The following ITIH5 variants were observed in gnomAD, a reference collection of about 807,000 sequenced individuals.
ITIH5 encodes the protein inter-alpha-trypsin inhibitor heavy chain 5.
In ITIH5, 65 loss-of-function variants were observed where a neutral mutation model predicts 77.5. The ratio of observed to expected loss-of-function variants is 0.84; its 90% confidence interval spans 0.69 to 1.03. The LOEUF (loss-of-function observed/expected upper bound fraction) is 1.03, where lower values mean the gene tolerates loss of function less well. Ranked by LOEUF, ITIH5 falls within the 50% of genes least tolerant of loss-of-function variation. The pLI is 0.00. For synonymous variants in ITIH5, 525 were observed against 494.3 expected (o/e 1.06, Z -0.82); for missense variants, 1,208 against 1,213.1 (o/e 1.00, Z 0.06).
intron 5 of ITIH5, among the ~76,000 whole-genome samples, chr10:7,635,509 A>G (rs1217983241): frequency 6.6e-5 from 10 of 152,184 alleles, no homozygotes; most frequent in African/African-American, 2.4e-4. Flanking sequence ...AGGTACCTTG[A>G]CAATATTTTT....
intron 5 of ITIH5, among the ~76,000 whole-genome samples, chr10:7,624,357 C>T (rs890957619): frequency 2.7e-5 from 4 of 150,736 alleles, no homozygotes; most frequent in East Asian, 2.0e-4. Flanking sequence ...AAAATACAAA[C>T]TTAGCGGGAC....
At chr10:7,571,368 T>C (rs929177273) in intron 11 of ITIH5, 3 of 152,198 alleles carry the variant, frequency 2.0e-5, no homozygotes, top group Non-Finnish European at 2.9e-5. Flanking sequence ...AGTATCTGTA[T>C]ACAACCTTCG....
chr10:7,564,682 AG>A (rs1193037880), intron 13 of ITIH5, among the ~76,000 whole-genome samples: 1 of 151,962 alleles, frequency 6.6e-6, no homozygotes, highest in Non-Finnish European at 1.5e-5. Flanking sequence ...AACGACCATT[AG>A]AATGTATCCC....
At position 7,662,766 on chromosome 10, in the gene ITIH5, G is replaced by A. The variant is rs57418188; in HGVS notation, c.90+4037C>T. On this transcript the variant is annotated intron_variant, in intron 1 of 13. Transcript: ENST00000397146. ...ATTTCTCCCACAGCATACTCCTTCCGCACTCTGCCCTACAAACTCATTTCA... is the reference window on the plus strand; with the variant it reads ...ATTTCTCCCACAGCATACTCCTTCCACACTCTGCCCTACAAACTCATTTCA... Among the ~76,000 whole-genome samples the A allele has an allele frequency of 3.4e-3, 512 of 152,150 alleles. 6 individuals are homozygous for A. The highest frequency in any genetic ancestry group is 0.011 in the African/African-American group (461 of 41,500).
intron 11 of ITIH5, 48 bp from the exon 12 acceptor site, chr10:7,569,832 G>C: frequency 8.8e-7 from 1 of 1,132,672 alleles, no homozygotes. Context: ...CACTTATTCA[G>C]TACCTTCCTT....
intron 2 of ITIH5, among the ~76,000 whole-genome samples, chr10:7,643,646 G>C (rs1833922935): frequency 6.6e-6 from 1 of 152,150 alleles, no homozygotes; most frequent in South Asian, 2.1e-4. Context: ...CTCTCCTTCA[G>C]GAACTGTCAC....
At chr10:7,663,939 T>C in intron 1 of ITIH5, among the ~76,000 whole-genome samples, 1 of 152,250 alleles carries the variant, frequency 6.6e-6, no homozygotes, top group Admixed American at 6.5e-5. Flanking sequence ...TTTTACTATT[T>C]TGTCAATCTA....
intron 1 of ITIH5, 47 bp downstream of exon 1, chr10:7,666,756 A>G: frequency 6.6e-7 from 1 of 1,508,120 alleles, no homozygotes; most frequent in East Asian, 2.3e-5. Context: ...CGGCGGAGGG[A>G]AGGGGGCGGC....
intron 7 of ITIH5, among the ~76,000 whole-genome samples, chr10:7,609,859 G>A (rs1016318758): frequency 6.6e-6 from 1 of 152,026 alleles, no homozygotes; most frequent in Non-Finnish European, 1.5e-5. Context: ...TAATATGAAT[G>A]TGAAAGTAGT....
intron 7 of ITIH5, among the ~76,000 whole-genome samples, chr10:7,606,306 T>C (rs1032509142): frequency 6.6e-6 from 1 of 152,176 alleles, no homozygotes; most frequent in Non-Finnish European, 1.5e-5. Context: ...CATATGCATA[T>C]GTTTATGGCA....
chr10:7,614,740 C>T (rs1043303052), intron 7 of ITIH5, among the ~76,000 whole-genome samples: 3 of 152,028 alleles, frequency 2.0e-5, no homozygotes, highest in South Asian at 2.1e-4. Context: ...GATTTCACTG[C>T]CAGATTTTTA....
intron 2 of ITIH5, among the ~76,000 whole-genome samples, chr10:7,646,091 T>A (rs1347428289): frequency 1.3e-5 from 2 of 152,248 alleles, no homozygotes; most frequent in African/African-American, 4.8e-5. Context: ...TAAACTGGTG[T>A]ATAAGAAATG....
chr10:7,581,449 G>A (rs1444106645), intron 8 of ITIH5, among the ~76,000 whole-genome samples: 1 of 152,018 alleles, frequency 6.6e-6, no homozygotes, highest in Non-Finnish European at 1.5e-5. Context: ...GACAGCAGGA[G>A]GTTTTTCTCT....
At chr10:7,613,524 G>C (rs1051252393) in intron 7 of ITIH5, among the ~76,000 whole-genome samples, 2 of 152,104 alleles carry the variant, frequency 1.3e-5, no homozygotes, top group African/African-American at 4.8e-5. Flanking sequence ...ATTAAAAACT[G>C]TAAAAAACGG....
intron 2 of ITIH5, among the ~76,000 whole-genome samples, chr10:7,644,887 C>T (rs868450728): frequency 9.6e-5 from 9 of 93,588 alleles, no homozygotes; most frequent in Non-Finnish European, 1.6e-4. Flanking sequence ...ATATATATCA[C>T]ATATATATAT....
At chr10:7,629,035 C>G (rs112430058) in intron 5 of ITIH5, among the ~76,000 whole-genome samples, 1 of 90,392 alleles carries the variant, frequency 1.1e-5, no homozygotes, top group African/African-American at 3.9e-5. Flanking sequence ...ACATGTGTCC[C>G]TGTTGTAGCG....
chr10:7,665,434 A>T (rs61834805), intron 1 of ITIH5, among the ~76,000 whole-genome samples: 2,105 of 152,350 alleles, frequency 0.014, 26 homozygotes, highest in Non-Finnish European at 0.022. Context: ...GGGTGTCATA[A>T]TGCATTCAGT....
At chr10:7,587,560 T>A (rs1832706932) in intron 7 of ITIH5, among the ~76,000 whole-genome samples, 1 of 152,248 alleles carries the variant, frequency 6.6e-6, no homozygotes, top group South Asian at 2.1e-4. Flanking sequence ...ACTCGCTCTC[T>A]GATATCACTG....
At chr10:7,647,017 G>A (rs376089984) in intron 2 of ITIH5, among the ~76,000 whole-genome samples, 3 of 152,316 alleles carry the variant, frequency 2.0e-5, no homozygotes, top group East Asian at 3.9e-4. Flanking sequence ...TTTGGAAAAT[G>A]CAATCTGCCA....
Sources: allele counts gnomAD v4.1 joint callset (sites outside exome capture counted in the v4.1 genomes callset), GRCh38; gene constraint gnomAD v4.1.1; transcripts MANE v1.5; gene names NCBI Gene and HGNC (gene_info 2026-07-23, HGNC 2026-07-21).